SCN7A: variants seen among roughly 807,000 people sequenced by gnomAD.
SCN7A encodes sodium channel protein type 7 subunit alpha.
Under a neutral mutation model 155.2 loss-of-function variants are expected in SCN7A, and 138 were observed. The ratio of observed to expected loss-of-function variants is 0.89; its 90% CI spans 0.77 to 1.02. SCN7A has a LOEUF of 1.02. Ranked by LOEUF, SCN7A falls within the 50% of genes least tolerant of loss-of-function variation. The pLI is 0.00. For synonymous variants in SCN7A, 693 were observed against 649.0 expected (o/e 1.07, Z -1.03); for missense variants, 2,058 against 1,986.6 (o/e 1.04, Z -0.68).
Position 166,404,788 on chromosome 2 carries a change from AC to A in SCN7A, c.*791del, listed in dbSNP as rs1323167742. 21 of 148,532 alleles carry A rather than the reference AC, an allele frequency of 1.4e-4. No individual in the cohort carries two copies. Among genetic ancestry groups the A allele is most frequent in the Admixed American group, 1.2e-3 (18 of 14,720 alleles). 9.2% of individuals were successfully genotyped at this position (148,532 alleles called of 1,614,324 possible). A position where few individuals can be genotyped will look rare whatever the true frequency, so the allele number is the denominator to read the frequency against. On this transcript the variant is annotated 3_prime_UTR_variant, in exon 26 of 26. Coordinates refer to ENST00000643258, the MANE Select transcript of SCN7A (RefSeq NM_002976.4). The stretch of plus-strand genomic sequence containing the variant: ...TATTACATCATTTTAGTAAATGTAT[AC>A]TTTTTAAAAAAATAGGTGTAAATGA...
At chr2:166,465,553 A>ATTTTC in intron 8 of SCN7A, 22 bp from the exon 9 acceptor site, 1 of 1,532,400 alleles carries the variant, frequency 6.5e-7, no homozygotes, top group Non-Finnish European at 8.9e-7. Context: ...GCAAGAAATG[A>ATTTTC]TATTCTATAT....
At chr2:166,422,539 G>A (rs780565036) in intron 19 of SCN7A, among the ~76,000 whole-genome samples, 7 of 152,120 alleles carry the variant, frequency 4.6e-5, no homozygotes, top group Non-Finnish European at 7.4e-5. Flanking sequence ...AAAAATAAGT[G>A]CACAGGCACT....
intron 10 of SCN7A, among the ~76,000 whole-genome samples, chr2:166,457,758 G>T (rs2105467750): frequency 6.6e-6 from 1 of 152,114 alleles, no homozygotes; most frequent in Admixed American, 6.5e-5. Context: ...AATTTCCTAA[G>T]ACAGATCAGA....
At chr2:166,449,055 G>T (rs1702124307) in intron 11 of SCN7A, among the ~76,000 whole-genome samples, 1 of 152,088 alleles carries the variant, frequency 6.6e-6, no homozygotes, top group Non-Finnish European at 1.5e-5. Flanking sequence ...ATGGTTTTAA[G>T]AGATCTTCTG....
intron 11 of SCN7A, among the ~76,000 whole-genome samples, chr2:166,456,128 G>C (rs1473535767): frequency 6.6e-6 from 1 of 152,120 alleles, no homozygotes; most frequent in Non-Finnish European, 1.5e-5. Flanking sequence ...AACACCGCAT[G>C]TTCTCACTCA....
intron 16 of SCN7A, 21 bp downstream of exon 16, chr2:166,432,297 C>A: frequency 6.4e-7 from 1 of 1,557,712 alleles, no homozygotes; most frequent in Non-Finnish European, 8.7e-7. Context: ...ACTAAGCAAT[C>A]AGGATATTTA....
chr2:166,468,299 G>C (rs1302111715), intron 7 of SCN7A, among the ~76,000 whole-genome samples: 1 of 152,058 alleles, frequency 6.6e-6, no homozygotes, highest in Non-Finnish European at 1.5e-5. Context: ...CACACAAACA[G>C]AGAGTTGAGA....
At chr2:166,456,827 T>TATAGATAGATAGATAGATAG in intron 11 of SCN7A, 43 bp downstream of exon 11, 35 of 638,526 alleles carry the variant, frequency 5.5e-5, no homozygotes, top group Middle Eastern at 4.8e-4. Flanking sequence ...TATATATATA[T>TATAGATAGATAGATAGATAG]ATAGATAGAT....
chr2:166,423,414 T>C lies in SCN7A; in HGVS notation c.2872A>G (p.Met958Val). 6.4e-7 allele frequency: 1 copy of C among 1,558,556 alleles called. No individual in the cohort carries two copies. The change falls in exon 19 of 26, where the codon ATG (methionine) becomes GTG (valine). Residue 958 changes from methionine (M) to valine (V), a missense_variant. Coordinates refer to ENST00000643258, the MANE Select transcript of SCN7A (RefSeq NM_002976.4). ...TGTLAFEDIY[M>V]DQRKTIKILL... ...ATTTTAATTGTCTTTCTCTGATCCA[T>C]ATATATATCTTCAAAAGCCTGTGGG...
chr2:166,427,070 CTT>C (rs1701639991), intron 18 of SCN7A, among the ~76,000 whole-genome samples: 1 of 152,056 alleles, frequency 6.6e-6, no homozygotes, highest in African/African-American at 2.4e-5. Context: ...GTGCCATACA[CTT>C]TATTCTACAC....
In SCN7A at chr2:166,459,569, C is replaced by T. The variant is rs548690800; in HGVS notation, c.1084-2493G>A. ...TAATATCCAAAACATATGCTATACTCTTTGGGAAGAATTGCTAAATTTCCC... is the reference window on the plus strand; with the variant it reads ...TAATATCCAAAACATATGCTATACTTTTTGGGAAGAATTGCTAAATTTCCC... On this transcript the variant is annotated intron_variant, in intron 10 of 25. Transcript: ENST00000643258. Among the ~76,000 whole-genome samples, 5 of 152,258 alleles carry T rather than the reference C, an allele frequency of 3.3e-5. No homozygotes were observed. In the South Asian group the frequency reaches 1.0e-3, roughly 32 times the overall value.
chr2:166,410,464 T>G, intron 23 of SCN7A, 140 bp from the exon 24 acceptor site: 2 of 596,682 alleles, frequency 3.4e-6, no homozygotes, highest in Non-Finnish European at 5.7e-6. Context: ...GAAATCATGT[T>G]TGAACATGTC....
intron 15 of SCN7A, among the ~76,000 whole-genome samples, chr2:166,437,199 A>G (rs1039906518): frequency 6.6e-6 from 1 of 152,150 alleles, no homozygotes; most frequent in African/African-American, 2.4e-5. Flanking sequence ...CAGCCTAGGG[A>G]CCTGGTGCCC....
rs1559088930 is a variant in SCN7A at position 166,414,299 on chromosome 2, TATATATATATATACAC to T, written c.3415-1194_3415-1179del. Among the ~76,000 whole-genome samples, 6 of 93,502 alleles carry T rather than the reference TATATATATATATACAC, an allele frequency of 6.4e-5. No homozygotes were observed. The East Asian group carries it at 1.3e-3, about 21-fold the overall frequency. The allele number at this position is 93,502 out of a possible 152,430, so 61.3% of individuals were successfully genotyped here. On this transcript the variant is annotated intron_variant, in intron 21 of 25. Transcript: ENST00000643258. ...ATATATATATATACACACACATATA[TATATATATATATACAC>T]ATATATATATATATATGAAGGAAGT...
At chr2:166,428,027 C>A (rs1701660858) in intron 17 of SCN7A, 85 bp from the exon 18 acceptor site, 2 of 1,297,264 alleles carry the variant, frequency 1.5e-6, no homozygotes, top group South Asian at 2.7e-5. Flanking sequence ...TGTGCCACAG[C>A]AATTATTTAT....
At chr2:166,472,961 C>T (rs1326016863) in intron 5 of SCN7A, among the ~76,000 whole-genome samples, 3 of 151,540 alleles carry the variant, frequency 2.0e-5, no homozygotes, top group Non-Finnish European at 4.4e-5. Flanking sequence ...GAAGTGGGAG[C>T]TAAATGATGA....
chr2:166,416,299 T>A (rs1313806499), intron 21 of SCN7A, among the ~76,000 whole-genome samples: 10 of 152,160 alleles, frequency 6.6e-5, no homozygotes, highest in Non-Finnish European at 1.5e-4. Flanking sequence ...AAGCATGTGA[T>A]CTTTGTTCTG....
At chr2:166,456,014 A>G (rs1056054121) in intron 11 of SCN7A, among the ~76,000 whole-genome samples, 7 of 152,254 alleles carry the variant, frequency 4.6e-5, no homozygotes, top group African/African-American at 1.7e-4. Context: ...CAACCATGAA[A>G]TACTATGCAG....
In SCN7A at chr2:166,422,828, G is replaced by T. The variant is rs1025594473; in HGVS notation, c.3027+431C>A. Among the ~76,000 whole-genome samples, 2 of 152,152 alleles carry T rather than the reference G, an allele frequency of 1.3e-5. 1 individual carries two copies. The highest frequency in any genetic ancestry group is 3.9e-4 in the East Asian group (2 of 5,194). On this transcript the variant is annotated intron_variant, in intron 19 of 25. Transcript: ENST00000643258. Reference sequence around the variant, plus strand: ...CAGAATGATGGTATGCAGGGCAGAAGCAGGGACACCACTTTGGAATCTATT... The same window carrying T: ...CAGAATGATGGTATGCAGGGCAGAATCAGGGACACCACTTTGGAATCTATT...
Sources: gnomAD v4.1 joint callset for allele counts (sites outside exome capture counted in the v4.1 genomes callset) on GRCh38, gnomAD v4.1.1 for gene constraint, MANE v1.5 for transcripts, NCBI Gene and HGNC (gene_info 2026-07-23, HGNC 2026-07-21) for gene names.